Variants in ZNF362 observed in about 807,000 individuals in gnomAD.
ZNF362 encodes rotund homolog.
ZNF362 carries 11 observed loss-of-function variants against 42.9 expected under a neutral mutation model. The ratio of observed to expected loss-of-function variants is 0.26; its 90% CI spans 0.16 to 0.42. The LOEUF (loss-of-function observed/expected upper bound fraction) is 0.42, where lower values mean the gene tolerates loss of function less well. Among genes scored for constraint, ZNF362 ranks in the 20% least tolerant of loss-of-function variants. The pLI is 1.00. For synonymous variants in ZNF362, 255 were observed against 257.3 expected (o/e 0.99, Z 0.09); for missense variants, 362 against 576.2 (o/e 0.63, Z 3.81).
intron 6 of ZNF362, among the ~76,000 whole-genome samples, chr1:33,292,396 C>G (rs1213861047): frequency 2.6e-5 from 4 of 152,166 alleles, no homozygotes; most frequent in South Asian, 2.1e-4. Context: ...GTTGAACCAG[C>G]CTTGCATCCC....
the ZNF362 span, among the ~76,000 whole-genome samples, chr1:33,234,664 C>A: frequency 6.6e-6 from 1 of 152,156 alleles, no homozygotes; most frequent in Non-Finnish European, 1.5e-5. Context: ...AGGTCTAGGA[C>A]CAGCACGGCA....
At chr1:33,274,946 A>T (rs1174270687) in intron 2 of ZNF362, 1 of 985,142 alleles carries the variant, frequency 1.0e-6, no homozygotes, top group Non-Finnish European at 1.2e-6. Flanking sequence ...TTGAGATTAG[A>T]TTGTGTCCTT....
At chr1:33,128,539 G>C in the ZNF362 span, among the ~76,000 whole-genome samples, 1 of 152,156 alleles carries the variant, frequency 6.6e-6, no homozygotes, top group African/African-American at 2.4e-5. Context: ...AGGCAGATTG[G>C]GAAAGTCTCT....
the ZNF362 span, among the ~76,000 whole-genome samples, chr1:33,240,075 G>A: frequency 6.6e-6 from 1 of 152,262 alleles, no homozygotes; most frequent in South Asian, 2.1e-4. Flanking sequence ...TAGAACTCCC[G>A]GGTGAAAGCC....
intron 1 of ZNF362, among the ~76,000 whole-genome samples, chr1:33,262,464 G>A (rs985095892): frequency 1.3e-5 from 2 of 151,690 alleles, no homozygotes; most frequent in Non-Finnish European, 2.9e-5. Context: ...CCACCACCAC[G>A]CCCAGCTAAT....
the ZNF362 span, among the ~76,000 whole-genome samples, chr1:33,231,182 AG>A: frequency 6.6e-6 from 1 of 152,218 alleles, no homozygotes; most frequent in Non-Finnish European, 1.5e-5. Context: ...AGGGAAACCA[AG>A]GCATAGAGAG....
At chr1:33,177,708 G>A in the ZNF362 span, among the ~76,000 whole-genome samples, 1 of 152,158 alleles carries the variant, frequency 6.6e-6, no homozygotes, top group Non-Finnish European at 1.5e-5. The surrounding 1 kb of genome is among the most constrained non-coding windows in gnomAD (Gnocchi z 4.1). Flanking sequence ...AATGGGTAGA[G>A]GCCAGGAATG....
the ZNF362 span, among the ~76,000 whole-genome samples, chr1:33,139,947 G>A: frequency 1.3e-5 from 2 of 152,158 alleles, no homozygotes; most frequent in Non-Finnish European, 2.9e-5. Flanking sequence ...ACTCTTCCGG[G>A]AGTGGTTCCT....
chr1:33,171,460 G>C, the ZNF362 span, among the ~76,000 whole-genome samples: 1 of 152,136 alleles, frequency 6.6e-6, no homozygotes, highest in South Asian at 2.1e-4. Context: ...AGAGGCAGAG[G>C]GGAGGCTCTC....
chr1:33,169,713 A>C, the ZNF362 span, among the ~76,000 whole-genome samples: 3 of 152,242 alleles, frequency 2.0e-5, 1 homozygote, highest in African/African-American at 7.2e-5. Flanking sequence ...ATTGCAATTA[A>C]TTAAAATGAA....
At chr1:33,234,097 G>A in the ZNF362 span, among the ~76,000 whole-genome samples, 1 of 152,148 alleles carries the variant, frequency 6.6e-6, no homozygotes, top group Non-Finnish European at 1.5e-5. Context: ...AGTGTTTGTT[G>A]AAAGAATGAA....
At chr1:33,174,858 C>T in the ZNF362 span, among the ~76,000 whole-genome samples, 1 of 151,510 alleles carries the variant, frequency 6.6e-6, no homozygotes, top group East Asian at 1.9e-4. Context: ...GGCTGGCCCT[C>T]TGTAGCCATG....
intron 6 of ZNF362, among the ~76,000 whole-genome samples, chr1:33,287,032 C>T (rs1445305130): frequency 6.6e-6 from 1 of 152,122 alleles, no homozygotes; most frequent in Admixed American, 6.6e-5. Flanking sequence ...TCTTAATTGG[C>T]CTGCAGCGTG....
the ZNF362 span, among the ~76,000 whole-genome samples, chr1:33,239,965 G>A: frequency 6.1e-3 from 926 of 152,284 alleles, 19 homozygotes; most frequent in East Asian, 0.084. Context: ...ATACTGACAT[G>A]AATAAGGAAA....
the ZNF362 span, among the ~76,000 whole-genome samples, chr1:33,241,514 G>A: frequency 4.7e-5 from 7 of 150,010 alleles, no homozygotes; most frequent in South Asian, 8.4e-4. Context: ...AAAAAAAGAT[G>A]TACGAATAAA....
At chr1:33,197,277 C>G in the ZNF362 span, among the ~76,000 whole-genome samples, 1 of 152,198 alleles carries the variant, frequency 6.6e-6, no homozygotes, top group Non-Finnish European at 1.5e-5. Flanking sequence ...GGCTTCTCTC[C>G]TCCCCAGTTT....
chr1:33,130,772 A>G, the ZNF362 span, among the ~76,000 whole-genome samples: 1 of 152,244 alleles, frequency 6.6e-6, no homozygotes, highest in Non-Finnish European at 1.5e-5. Flanking sequence ...AGAAGCAAAG[A>G]CAGAAGTAGA....
chr1:33,184,105 T>C, the ZNF362 span, among the ~76,000 whole-genome samples: 1 of 151,472 alleles, frequency 6.6e-6, no homozygotes, highest in African/African-American at 2.4e-5. Flanking sequence ...TATTTACTGA[T>C]GCTGACTCCA....
rs776504622 is a variant in ZNF362 at position 33,297,511 on chromosome 1, C to CTTTTTTTTTTTT, written c.1147-1418_1147-1417insTTTTTTTTTTTT. Among the ~76,000 whole-genome samples the CTTTTTTTTTTTT allele has an allele frequency of 1.8e-4, 14 of 78,876 alleles. 2 individuals carry two copies. Among genetic ancestry groups the CTTTTTTTTTTTT allele is most frequent in the South Asian group, 4.7e-4 (1 of 2,136 alleles). 51.7% of individuals were successfully genotyped at this position (78,876 alleles called of 152,430 possible). On this transcript the variant is annotated intron_variant, in intron 8 of 8. Coordinates refer to ENST00000539719, the MANE Select transcript of ZNF362 (RefSeq NM_152493.3). ...ATGATTTGGTGTATTTACATGATTC[C>CTTTTTTTTTTTT]TCTTTTTTTTTTTTTTTTTGAGACG...
Sources: allele counts gnomAD v4.1 joint callset (sites outside exome capture counted in the v4.1 genomes callset), GRCh38; gene constraint gnomAD v4.1.1; non-coding constraint Gnocchi (gnomAD v3.1); transcripts MANE v1.5; gene names NCBI Gene and HGNC (gene_info 2026-07-23, HGNC 2026-07-21).